The following KCTD1 variants were observed in gnomAD, a reference collection of about 807,000 sequenced individuals.
The protein encoded by KCTD1 is potassium channel tetramerization domain containing 1, also known as BTB/POZ domain-containing protein KCTD1.
Under a neutral mutation model 66.0 loss-of-function variants are expected in KCTD1, and 24 were observed. The ratio of observed to expected loss-of-function variants is 0.36; its 90% CI spans 0.26 to 0.51. The LOEUF (loss-of-function observed/expected upper bound fraction) is 0.51, where lower values mean the gene tolerates loss of function less well. KCTD1 is among the 20% of genes least tolerant of loss of function. The pLI is 0.95. For synonymous variants in KCTD1, 511 were observed against 517.2 expected (o/e 0.99, Z 0.16); for missense variants, 943 against 1,205.2 (o/e 0.78, Z 3.22).
intron 1 of KCTD1, among the ~76,000 whole-genome samples, chr18:26,523,305 T>C (rs1984003844): frequency 6.6e-6 from 1 of 152,200 alleles, no homozygotes; most frequent in Non-Finnish European, 1.5e-5. Flanking sequence ...GAAGGGTCGG[T>C]GTTCCCTCTA....
At chr18:26,655,403 TA>T (rs1270998402) in intron 1 of KCTD1, among the ~76,000 whole-genome samples, 1 of 151,736 alleles carries the variant, frequency 6.6e-6, no homozygotes, top group Non-Finnish European at 1.5e-5. Flanking sequence ...AAGAATATGT[TA>T]AACTGTTATG....
intron 3 of KCTD1, among the ~76,000 whole-genome samples, chr18:26,464,567 T>C (rs1220499437): frequency 1.3e-5 from 2 of 152,242 alleles, no homozygotes; most frequent in Non-Finnish European, 2.9e-5. Context: ...ATTTTCTGAA[T>C]GTACCTGAGG....
At chr18:26,518,249 T>C (rs987679669) in intron 1 of KCTD1, among the ~76,000 whole-genome samples, 2 of 152,162 alleles carry the variant, frequency 1.3e-5, no homozygotes, top group African/African-American at 2.4e-5. Flanking sequence ...CACTTTAGTA[T>C]GGAGAATAAA....
At chr18:26,577,417 C>T (rs1986249596) in intron 1 of KCTD1, among the ~76,000 whole-genome samples, 1 of 152,160 alleles carries the variant, frequency 6.6e-6, no homozygotes, top group African/African-American at 2.4e-5. Context: ...TCTTTGTTAT[C>T]ATCTTGATGG....
Position 26,608,619 on chromosome 18 carries a change from C to T in KCTD1, c.-16+20528G>A, listed in dbSNP as rs1270652366. On this transcript the variant is annotated intron_variant, in intron 1 of 4. Coordinates refer to the KCTD1 transcript ENST00000317932. ...CCCTCTGCACTGTCACCCCCCAGCC[C>T]GCTGCCCCCTCATTATTCTTTGTTG... 2.0e-5 allele frequency among the ~76,000 whole-genome samples: 3 copies of T among 152,286 alleles called. No individual in the cohort carries two copies. The South Asian group carries it at 6.2e-4, about 32-fold the overall frequency.
At chr18:26,577,738 TG>T (rs1986258894) in intron 1 of KCTD1, among the ~76,000 whole-genome samples, 1 of 151,870 alleles carries the variant, frequency 6.6e-6, no homozygotes, top group Non-Finnish European at 1.5e-5. Flanking sequence ...TTTTTTTGTT[TG>T]TTTTTTTGTT....
chr18:26,594,927 C>G (rs1428990125), intron 1 of KCTD1, among the ~76,000 whole-genome samples: 4 of 152,054 alleles, frequency 2.6e-5, no homozygotes, highest in Non-Finnish European at 5.9e-5. Flanking sequence ...CTTAGCAGCC[C>G]TCATAATTAT....
At chr18:26,601,255 T>C (rs141508240) in intron 1 of KCTD1, among the ~76,000 whole-genome samples, 132 of 144,830 alleles carry the variant, frequency 9.1e-4, no homozygotes, top group Middle Eastern at 7.5e-3. Flanking sequence ...TTGCCAAATA[T>C]TTGGAGAGAT....
intron 2 of KCTD1, among the ~76,000 whole-genome samples, chr18:26,484,741 G>C (rs894517917): frequency 2.6e-5 from 4 of 152,274 alleles, no homozygotes; most frequent in Admixed American, 2.0e-4. Flanking sequence ...TGGGTGTCAC[G>C]GAAGGACAGA....
At chr18:26,550,565 G>GACACACAC (rs60922405), upstream of KCTD1, among the ~76,000 whole-genome samples, 9,610 of 140,402 alleles carry the variant, frequency 0.068, 362 homozygotes, top group Admixed American at 0.088. The surrounding 1 kb of genome is among the most constrained non-coding windows in gnomAD (Gnocchi z 5.4). Context: ...AAGACACACA[G>GACACACAC]ACACACACAC....
chr18:26,505,240 G>A (rs893790329), intron 1 of KCTD1, among the ~76,000 whole-genome samples: 3 of 152,308 alleles, frequency 2.0e-5, no homozygotes, highest in African/African-American at 4.8e-5. Context: ...GTTCATCATC[G>A]TCCTCAACTC....
chr18:26,485,935 CTTTTTTT>C (rs372930779), intron 2 of KCTD1, among the ~76,000 whole-genome samples: 6 of 136,682 alleles, frequency 4.4e-5, no homozygotes, highest in African/African-American at 8.0e-5. Context: ...TAATTTAATC[CTTTTTTT>C]TTTTTTTTTT....
At chr18:26,552,074 A>G (rs917817039), upstream of KCTD1, among the ~76,000 whole-genome samples, 9 of 152,262 alleles carry the variant, frequency 5.9e-5, no homozygotes, top group African/African-American at 2.2e-4. Context: ...ACAACTTTTA[A>G]CAAGATTCTC....
chr18:26,616,550 C>T (rs1987259755), intron 1 of KCTD1, among the ~76,000 whole-genome samples: 1 of 151,868 alleles, frequency 6.6e-6, no homozygotes, highest in African/African-American at 2.4e-5. Context: ...GACAGAGTCT[C>T]ACTCTGTCAC....
intron 3 of KCTD1, among the ~76,000 whole-genome samples, chr18:26,469,606 A>G (rs1980943047): frequency 6.6e-6 from 1 of 152,238 alleles, no homozygotes; most frequent in Non-Finnish European, 1.5e-5. Context: ...ATCCTTTTCA[A>G]TAATGGGAAT....
In KCTD1 at chr18:26,504,190, T is replaced by C. The variant is rs151294959; in HGVS notation, c.1810-2940A>G. On this transcript the variant is annotated intron_variant, in intron 1 of 4. Transcript: ENST00000580059. ...GATCAAGCGATCCCCCCACCTCAGC[T>C]TCCCAAGTAACTGGTACTACAGGTA... Among the ~76,000 whole-genome samples, 621 of 152,212 alleles carry C rather than the reference T, an allele frequency of 4.1e-3. 4 individuals are homozygous for C. The highest frequency in any genetic ancestry group is 9.2e-3 in the Admixed American group (141 of 15,286).
chr18:26,527,067 T>A (rs949007518), intron 1 of KCTD1, among the ~76,000 whole-genome samples: 1 of 152,122 alleles, frequency 6.6e-6, no homozygotes, highest in Admixed American at 6.5e-5. Flanking sequence ...GACATTATCA[T>A]CAGCAACTTA....
chr18:26,599,433 C>T, intron 1 of KCTD1: 2 of 1,611,782 alleles, frequency 1.2e-6, no homozygotes, highest in Non-Finnish European at 1.7e-6. Context: ...CTCTGCTGGC[C>T]AGTTTGTGGC....
chr18:26,643,380 A>G (rs1987867590), upstream of KCTD1, among the ~76,000 whole-genome samples: 1 of 152,192 alleles, frequency 6.6e-6, no homozygotes, highest in Admixed American at 6.5e-5. Flanking sequence ...ATTCGGGGGT[A>G]CACAAAAAGA....
Sources: gnomAD v4.1 joint callset for allele counts (sites outside exome capture counted in the v4.1 genomes callset) on GRCh38, gnomAD v4.1.1 for gene constraint, Gnocchi (gnomAD v3.1) non-coding constraint, MANE v1.5 for transcripts, NCBI Gene and HGNC (gene_info 2026-07-23, HGNC 2026-07-21) for gene names.